The following ENTREP2 variants were observed in gnomAD, a reference collection of about 807,000 sequenced individuals.
ENTREP2 encodes the protein endosomal transmembrane epsin interactor 2.
At chr15:29,289,889 A>G in the ENTREP2 span, among the ~76,000 whole-genome samples, 1 of 152,198 alleles carries the variant, frequency 6.6e-6, no homozygotes, top group Non-Finnish European at 1.5e-5. Flanking sequence ...TCACAGCAGC[A>G]TTATTTGTAA....
At chr15:29,337,446 A>G in the ENTREP2 span, among the ~76,000 whole-genome samples, 1 of 152,206 alleles carries the variant, frequency 6.6e-6, no homozygotes, top group African/African-American at 2.4e-5. Flanking sequence ...GACTGGTGAC[A>G]GTGAGATTTT....
chr15:29,364,831 C>T, the ENTREP2 span, among the ~76,000 whole-genome samples: 2 of 152,142 alleles, frequency 1.3e-5, no homozygotes, highest in African/African-American at 4.8e-5. Flanking sequence ...TACACTCCCT[C>T]CCTCCCCAGA....
At chr15:29,218,175 G>A in the ENTREP2 span, among the ~76,000 whole-genome samples, 5 of 152,274 alleles carry the variant, frequency 3.3e-5, no homozygotes, top group Admixed American at 2.0e-4. Flanking sequence ...TGGACTATGT[G>A]AGGGTTCTTA....
the ENTREP2 span, among the ~76,000 whole-genome samples, chr15:29,283,291 G>C: frequency 1.3e-5 from 2 of 152,230 alleles, no homozygotes; most frequent in Non-Finnish European, 2.9e-5. Flanking sequence ...AGAAGAGACA[G>C]TGTAGTTTGC....
At chr15:29,268,139 C>T in the ENTREP2 span, 2 of 152,164 alleles carry the variant, frequency 1.3e-5, no homozygotes, top group South Asian at 4.1e-4. Flanking sequence ...ATTTAAAAAA[C>T]ACACAATGCT....
the ENTREP2 span, among the ~76,000 whole-genome samples, chr15:29,167,312 A>C: frequency 6.6e-6 from 1 of 152,178 alleles, no homozygotes; most frequent in Non-Finnish European, 1.5e-5. Flanking sequence ...AACAAAGATC[A>C]ATAGCTGGGA....
chr15:29,387,322 A>G, the ENTREP2 span, among the ~76,000 whole-genome samples: 1 of 152,188 alleles, frequency 6.6e-6, no homozygotes, highest in Non-Finnish European at 1.5e-5. Flanking sequence ...CATATGTTGA[A>G]TAACAGACAA....
At chr15:29,439,289 ACACAC>A in the ENTREP2 span, among the ~76,000 whole-genome samples, 3,502 of 98,634 alleles carry the variant, frequency 0.036, 70 homozygotes, top group East Asian at 0.1. Flanking sequence ...GGAATTACAC[ACACAC>A]ACACACACAC....
At chr15:29,292,748 G>A in the ENTREP2 span, among the ~76,000 whole-genome samples, 20 of 152,280 alleles carry the variant, frequency 1.3e-4, no homozygotes, top group South Asian at 1.2e-3. Flanking sequence ...ATATGGCTTG[G>A]AAAATTTATA....
chr15:29,322,649 G>A, the ENTREP2 span, among the ~76,000 whole-genome samples: 1 of 152,174 alleles, frequency 6.6e-6, no homozygotes, highest in Non-Finnish European at 1.5e-5. Flanking sequence ...GCTGCTCTGT[G>A]TTTACTTTAT....
the ENTREP2 span, among the ~76,000 whole-genome samples, chr15:29,173,236 C>T: frequency 2.5e-4 from 38 of 152,142 alleles, no homozygotes; most frequent in African/African-American, 9.2e-4. Flanking sequence ...GTAAGCTGGG[C>T]CTGCTTTCTA....
chr15:29,363,058 T>G, the ENTREP2 span, among the ~76,000 whole-genome samples: 1 of 152,212 alleles, frequency 6.6e-6, no homozygotes, highest in African/African-American at 2.4e-5. Context: ...AATTCTGCAT[T>G]GTTTTAAGGA....
At chr15:29,562,094 C>T in the ENTREP2 span, among the ~76,000 whole-genome samples, 3 of 152,320 alleles carry the variant, frequency 2.0e-5, no homozygotes. Context: ...CAGATGGATC[C>T]AGGTTCAGGG....
At chr15:29,247,140 T>C in the ENTREP2 span, among the ~76,000 whole-genome samples, 1 of 151,540 alleles carries the variant, frequency 6.6e-6, no homozygotes, top group African/African-American at 2.4e-5. Context: ...AAAAACACAA[T>C]CACCACACAA....
At chr15:29,236,439 A>G in the ENTREP2 span, among the ~76,000 whole-genome samples, 1 of 151,930 alleles carries the variant, frequency 6.6e-6, no homozygotes, top group Non-Finnish European at 1.5e-5. Flanking sequence ...GGATTCCAGG[A>G]GTTCAAGACC....
chr15:29,658,596 A>G, the ENTREP2 span, among the ~76,000 whole-genome samples: 36 of 152,158 alleles, frequency 2.4e-4, no homozygotes, highest in African/African-American at 8.0e-4. Flanking sequence ...TTCTATACTA[A>G]CAAGAATTTT....
the ENTREP2 span, among the ~76,000 whole-genome samples, chr15:29,674,524 T>A: frequency 3.9e-5 from 6 of 152,184 alleles, no homozygotes; most frequent in East Asian, 1.2e-3. Flanking sequence ...CGCCTCGGCC[T>A]CCCAAAGTGC....
At chr15:29,664,363 A>G in the ENTREP2 span, among the ~76,000 whole-genome samples, 1 of 152,002 alleles carries the variant, frequency 6.6e-6, no homozygotes, top group East Asian at 1.9e-4. Context: ...CTGTTTCCCA[A>G]TGGGTCTGGG....
the ENTREP2 span, among the ~76,000 whole-genome samples, chr15:29,353,973 G>A: frequency 6.6e-6 from 1 of 152,228 alleles, no homozygotes; most frequent in Non-Finnish European, 1.5e-5. Context: ...ACAGGGCTAA[G>A]AGGTACCCAG....
Sources: gnomAD v4.1 joint callset for allele counts (sites outside exome capture counted in the v4.1 genomes callset) on GRCh38, gnomAD v4.1.1 for gene constraint, MANE v1.5 for transcripts, NCBI Gene and HGNC (gene_info 2026-07-23, HGNC 2026-07-21) for gene names.